The following GRIK1 variants were observed in gnomAD, a reference collection of about 807,000 sequenced individuals.
GRIK1 encodes glutamate receptor ionotropic, kainate 1.
GRIK1 carries 69 observed loss-of-function variants against 105.7 expected under a neutral mutation model. The observed-to-expected ratio is 0.65, with a 90% CI of 0.54 to 0.80. The LOEUF is 0.80. Ranked by LOEUF, GRIK1 falls within the 30% of genes least tolerant of loss-of-function variation. GRIK1 has a pLI of 0.00. For missense variants in GRIK1, 1,109 were observed against 1,167.3 expected (o/e 0.95, Z 0.73); for synonymous variants, 438 against 431.3 (o/e 1.02, Z -0.19).
intron 1 of GRIK1, among the ~76,000 whole-genome samples, chr21:29,863,794 G>A (rs190095141): frequency 6.6e-6 from 1 of 152,164 alleles, no homozygotes; most frequent in East Asian, 1.9e-4. Flanking sequence ...TTTTAAGGCA[G>A]GTAATACTTT....
rs879936067 is a variant in GRIK1, at chr21:29,580,035, G to GTGTATATA, written c.1912+1382_1912+1389dup. Among the ~76,000 whole-genome samples, 1,237 of 139,204 alleles carry GTGTATATA rather than the reference G, an allele frequency of 8.9e-3. 38 individuals carry two copies. In the East Asian group the frequency reaches 0.11, roughly 12 times the overall value. 91.3% of individuals were successfully genotyped at this position (139,204 alleles called of 152,430 possible). On this transcript the variant is annotated intron_variant, in intron 13 of 17. Transcript: ENST00000327783. Reference sequence around the variant, plus strand: ...TATATATGTGTATATATGTATATATGTGTATATATGTATATATGTATATAT... The same window carrying GTGTATATA: ...TATATATGTGTATATATGTATATATGTGTATATATGTATATATGTATATATGTATATAT...
chr21:29,921,854 C>G (rs955652319), intron 1 of GRIK1, among the ~76,000 whole-genome samples: 3 of 152,212 alleles, frequency 2.0e-5, no homozygotes, highest in Admixed American at 1.3e-4. Flanking sequence ...TTAAAAATTA[C>G]CATTGACAAT....
intron 1 of GRIK1, among the ~76,000 whole-genome samples, chr21:29,867,933 AGAAAG>A (rs2068876111): frequency 7.5e-6 from 1 of 134,212 alleles, no homozygotes. Flanking sequence ...AGAAAGAGAG[AGAAAG>A]AGAGAGAGAA....
intron 16 of GRIK1, among the ~76,000 whole-genome samples, chr21:29,540,634 T>C (rs2089953468): frequency 6.6e-6 from 1 of 152,166 alleles, no homozygotes; most frequent in African/African-American, 2.4e-5. Context: ...TAAGGATACA[T>C]ATAAAGATTG....
intron 1 of GRIK1, among the ~76,000 whole-genome samples, chr21:29,785,758 C>T (rs1052795100): frequency 6.6e-6 from 1 of 152,072 alleles, no homozygotes; most frequent in Non-Finnish European, 1.5e-5. Context: ...ATAACAGAAA[C>T]GTATTCTCTC....
intron 1 of GRIK1, among the ~76,000 whole-genome samples, chr21:29,710,087 AT>A (rs1875997310): frequency 6.6e-6 from 1 of 151,736 alleles, no homozygotes; most frequent in South Asian, 2.1e-4. Context: ...TAAAATAAAT[AT>A]TATTTATACT....
At position 29,788,396 on chromosome 21, in the gene GRIK1, C is replaced by G. The variant is rs189713995; in HGVS notation, c.119-94333G>C. ...AAGCCCAGAAGTCTTTGAGCAGGAA[C>G]ATAGAATCCTAGAATGGAACCTAAG... is the stretch of plus-strand genomic sequence containing the variant. On this transcript the variant is annotated intron_variant, in intron 1 of 17. Coordinates refer to ENST00000327783, the MANE Select transcript of GRIK1 (RefSeq NM_001330994.2). Among the ~76,000 whole-genome samples, 471 of 152,274 alleles carry G rather than the reference C, an allele frequency of 3.1e-3. 4 individuals carry two copies. The highest frequency in any genetic ancestry group is 2.5e-3 in the Non-Finnish European group (168 of 68,030).
At chr21:29,619,844 CA>C (rs2061946348) in intron 7 of GRIK1, among the ~76,000 whole-genome samples, 1 of 152,228 alleles carries the variant, frequency 6.6e-6, no homozygotes, top group South Asian at 2.1e-4. Context: ...GCACCTTTAC[CA>C]GGGACAAGTT....
chr21:29,768,908 T>C (rs544316103), intron 1 of GRIK1, among the ~76,000 whole-genome samples: 3 of 152,344 alleles, frequency 2.0e-5, no homozygotes, highest in East Asian at 3.9e-4. Context: ...CTAATGATAG[T>C]GAATACCGTG....
chr21:29,585,836 T>C (rs2091118935), intron 12 of GRIK1, among the ~76,000 whole-genome samples: 1 of 152,248 alleles, frequency 6.6e-6, no homozygotes, highest in Non-Finnish European at 1.5e-5. Flanking sequence ...AAAAATTTTA[T>C]ACCCAAAGCA....
chr21:29,824,909 T>C (rs1449706412), intron 1 of GRIK1, among the ~76,000 whole-genome samples: 1 of 151,976 alleles, frequency 6.6e-6, no homozygotes, highest in Non-Finnish European at 1.5e-5. Flanking sequence ...GAGATTGCAA[T>C]TGCTCTAGTG....
At chr21:29,688,950 C>T (rs1359122970) in intron 3 of GRIK1, among the ~76,000 whole-genome samples, 2 of 151,920 alleles carry the variant, frequency 1.3e-5, no homozygotes, top group African/African-American at 4.8e-5. Context: ...GAAGCTAGTG[C>T]CTGAGTTAAT....
chr21:29,859,814 T>A (rs868618402), intron 1 of GRIK1, among the ~76,000 whole-genome samples: 9 of 152,250 alleles, frequency 5.9e-5, no homozygotes, highest in African/African-American at 2.2e-4. Context: ...GAATTCTGCC[T>A]CTGCTCTTTT....
At chr21:29,562,958 T>C (rs911904901) in intron 14 of GRIK1, among the ~76,000 whole-genome samples, 2 of 152,200 alleles carry the variant, frequency 1.3e-5, no homozygotes, top group Non-Finnish European at 2.9e-5. Flanking sequence ...TGAATAGTGA[T>C]CTATGATTAG....
At chr21:29,915,632 TAAC>T (rs1242494257) in intron 1 of GRIK1, among the ~76,000 whole-genome samples, 1 of 151,960 alleles carries the variant, frequency 6.6e-6, no homozygotes, top group Non-Finnish European at 1.5e-5. Context: ...GATGTAAAGT[TAAC>T]AACAACAGAA....
chr21:29,915,412 C>T (rs1386263810), intron 1 of GRIK1, among the ~76,000 whole-genome samples: 1 of 151,990 alleles, frequency 6.6e-6, no homozygotes, highest in East Asian at 1.9e-4. Flanking sequence ...ATTCATTCAT[C>T]CAATCATTCA....
rs151101136 is a variant in GRIK1 at position 29,708,510 on chromosome 21, C to T, written c.119-14447G>A. Among the ~76,000 whole-genome samples the T allele has an allele frequency of 1.6e-4, 24 of 152,216 alleles. No homozygotes were observed. The East Asian group carries it at 3.3e-3, about 21-fold the overall frequency. On this transcript the variant is annotated intron_variant, in intron 1 of 17. Coordinates refer to ENST00000327783, the MANE Select transcript of GRIK1 (RefSeq NM_001330994.2). ...CATTCATAGTAGTTGTTACTATTTC[C>T]GGTTCTTTCCCTTCGGAATACATGC... is the stretch of plus-strand genomic sequence containing the variant.
At chr21:29,665,467 TCATTA>T (rs1364765910) in intron 4 of GRIK1, among the ~76,000 whole-genome samples, 2 of 152,230 alleles carry the variant, frequency 1.3e-5, no homozygotes, top group Non-Finnish European at 2.9e-5. Flanking sequence ...AGATTCATCA[TCATTA>T]CATTGTCAGG....
rs186810900 is a variant in GRIK1 at position 29,611,716 on chromosome 21, C to T, written c.1099-12779G>A. On this transcript the variant is annotated intron_variant, in intron 7 of 17. Transcript: ENST00000327783. Reference sequence around the variant, plus strand: ...CTTTTTCTTCACCAAACTGCATTTCCATCAATGAGATGATGTGAAAGAAAT... The same window carrying T: ...CTTTTTCTTCACCAAACTGCATTTCTATCAATGAGATGATGTGAAAGAAAT... Among the ~76,000 whole-genome samples, 6 of 152,244 alleles carry T rather than the reference C, an allele frequency of 3.9e-5. No homozygotes were observed. In the East Asian group the frequency reaches 1.2e-3, roughly 29 times the overall value.
Sources: gnomAD v4.1 joint callset for allele counts (sites outside exome capture counted in the v4.1 genomes callset) on GRCh38, gnomAD v4.1.1 for gene constraint, MANE v1.5 for transcripts, NCBI Gene and HGNC (gene_info 2026-07-23, HGNC 2026-07-21) for gene names.